The following TDP1 variants were observed in gnomAD, a reference collection of about 807,000 sequenced individuals.
TDP1 encodes tyrosyl-DNA phosphodiesterase 1.
A neutral mutation model predicts 81.5 loss-of-function variants in TDP1; 64 were observed. That is an observed-to-expected ratio of 0.79 (90% CI 0.64 to 0.97). TDP1 has a LOEUF of 0.97. Ranked by LOEUF, TDP1 falls within the 50% of genes least tolerant of loss-of-function variation. The pLI, the probability that TDP1 is intolerant of heterozygous loss-of-function variation, is 0.00. For synonymous variants in TDP1, 256 were observed against 264.3 expected (o/e 0.97, Z 0.30); for missense variants, 723 against 743.8 (o/e 0.97, Z 0.33).
intron 14 of TDP1, among the ~76,000 whole-genome samples, chr14:89,993,850 TC>T (rs1896439792): frequency 6.6e-6 from 1 of 152,182 alleles, no homozygotes; most frequent in South Asian, 2.1e-4. Flanking sequence ...GTAATTGAAA[TC>T]TGAAGCAATC....
intron 14 of TDP1, among the ~76,000 whole-genome samples, chr14:90,010,470 C>A (rs781671878): frequency 1.3e-4 from 20 of 152,108 alleles, no homozygotes; most frequent in Admixed American, 2.0e-4. Flanking sequence ...ATTAAGGCAG[C>A]AGGTGGGATT....
At chr14:90,042,395 TAC>T (rs899723256) in intron 16 of TDP1, among the ~76,000 whole-genome samples, 1 of 152,160 alleles carries the variant, frequency 6.6e-6, no homozygotes, top group Non-Finnish European at 1.5e-5. Context: ...ACAACATAGG[TAC>T]AGATAAGGAA....
At chr14:89,964,075 C>T (rs1892653862) in intron 3 of TDP1, among the ~76,000 whole-genome samples, 1 of 152,136 alleles carries the variant, frequency 6.6e-6, no homozygotes, top group Admixed American at 6.5e-5. Context: ...GGCCCCATTC[C>T]CGATTCATTA....
intron 6 of TDP1, 77 bp downstream of exon 6, chr14:89,971,348 A>C (rs892275696): frequency 2.5e-5 from 26 of 1,058,032 alleles, no homozygotes; most frequent in Non-Finnish European, 3.8e-5. Flanking sequence ...CCACCCTCTC[A>C]CTTAGTGCAG....
intron 3 of TDP1, chr14:89,965,823 A>G (rs1216032035): frequency 2.0e-6 from 2 of 984,728 alleles, no homozygotes; most frequent in East Asian, 2.3e-4. Flanking sequence ...TACTTGGAGG[A>G]GGTAGAAGTT....
In TDP1 at chr14:90,030,469, A is replaced by G. The variant is rs1887154187; in HGVS notation, c.1645-2637A>G. 1.3e-5 allele frequency among the ~76,000 whole-genome samples: 2 copies of G among 152,162 alleles called. 1 individual carries two copies. The highest frequency in any genetic ancestry group is 4.1e-4 in the South Asian group (2 of 4,834). ...GACTAGAAGAAGGGCACTTCTTCCT[A>G]TTCTGTCTAGAGTTTGTGCCTGGCA... On this transcript the variant is annotated intron_variant, in intron 15 of 16. Transcript: ENST00000335725.
chr14:89,964,868 A>C (rs1258457936), intron 3 of TDP1: 1 of 448,994 alleles, frequency 2.2e-6, no homozygotes, highest in Non-Finnish European at 4.5e-6. Flanking sequence ...TTATGAGTAG[A>C]TGTTACAATC....
In TDP1 at chr14:89,980,522, C is replaced by A; in HGVS notation, c.792-18C>A. On this transcript the variant is annotated intron_variant, in intron 7 of 16. Coordinates refer to ENST00000335725, the MANE Select transcript of TDP1 (RefSeq NM_018319.4). Reference sequence around the variant, plus strand: ...GAAAGTACTATTAATGCTTTTTGATCCTTTGCTGTTTTTAAAGGAAAATGA... The same window carrying A: ...GAAAGTACTATTAATGCTTTTTGATACTTTGCTGTTTTTAAAGGAAAATGA... The A allele has an allele frequency of 1.2e-5, 20 of 1,607,238 alleles. No homozygotes were observed. Among genetic ancestry groups the A allele is most frequent in the Non-Finnish European group, 1.7e-5 (20 of 1,173,912 alleles).
intron 14 of TDP1, among the ~76,000 whole-genome samples, chr14:89,999,132 G>C (rs1293196700): frequency 6.6e-6 from 1 of 152,070 alleles, no homozygotes; most frequent in Non-Finnish European, 1.5e-5. Flanking sequence ...ATACAAGATT[G>C]TCCCATGCAT....
chr14:89,984,338 T>C (rs975800837), intron 8 of TDP1, 178 bp from the exon 9 acceptor site: 1 of 985,308 alleles, frequency 1.0e-6, no homozygotes, highest in Admixed American at 6.1e-5. Flanking sequence ...TAATTCTGAA[T>C]GTGATGAGAA....
rs1388530126 is a variant in TDP1, at chr14:89,962,721, A to G, written c.-7-387A>G. Among the ~76,000 whole-genome samples, 50 of 151,968 alleles carry G rather than the reference A, an allele frequency of 3.3e-4. 1 individual carries two copies. Among genetic ancestry groups the G allele is most frequent in the Non-Finnish European group, 1.9e-4 (13 of 68,004 alleles). On this transcript the variant is annotated intron_variant, in intron 2 of 16. Coordinates refer to ENST00000335725, the MANE Select transcript of TDP1 (RefSeq NM_018319.4). ...CTCTACCAAAAAAAAAGAAAAAAAA[A>G]ATTAGCCAGACGTGATGGCGTGCAC...
chr14:90,033,021 A>G (rs1476498752), intron 15 of TDP1, 85 bp from the exon 16 acceptor site: 1 of 1,181,174 alleles, frequency 8.5e-7, no homozygotes, highest in Non-Finnish European at 1.2e-6. Context: ...CCATAAAGAT[A>G]TTATTGCTTC....
chr14:90,017,904 T>G lies in TDP1; in HGVS notation c.1542-1412T>G, dbSNP rs77170420. On this transcript the variant is annotated intron_variant, in intron 14 of 16. Transcript: ENST00000335725. Reference sequence around the variant, plus strand: ...TTATAGACAGTGATGTTCATGATTGTGGTCCTTGTGCAAAGGTTTCCTGTC... The same window carrying G: ...TTATAGACAGTGATGTTCATGATTGGGGTCCTTGTGCAAAGGTTTCCTGTC... Among the ~76,000 whole-genome samples, 1,110 of 152,332 alleles carry G rather than the reference T, an allele frequency of 7.3e-3. 12 individuals carry two copies. Among genetic ancestry groups the G allele is most frequent in the African/African-American group, 0.023 (947 of 41,570 alleles).
intron 14 of TDP1, among the ~76,000 whole-genome samples, chr14:90,006,223 C>T (rs1897671541): frequency 6.6e-6 from 1 of 152,150 alleles, no homozygotes; most frequent in Admixed American, 6.5e-5. Context: ...GTGTTTTGCT[C>T]TTATCTGCTT....
intron 15 of TDP1, among the ~76,000 whole-genome samples, chr14:90,029,399 G>T (rs563511893): frequency 6.6e-6 from 1 of 151,086 alleles, no homozygotes. Flanking sequence ...GGGTTTCTCC[G>T]TGTTGGCCAG....
chr14:89,974,391 C>G (rs1020883994), intron 6 of TDP1, among the ~76,000 whole-genome samples: 2 of 152,214 alleles, frequency 1.3e-5, no homozygotes, highest in South Asian at 4.1e-4. Flanking sequence ...AGTCTTCCTT[C>G]TCATTTGGTA....
chr14:89,955,721 CT>C (rs1891483192), upstream of TDP1: 1 of 152,246 alleles, frequency 6.6e-6, no homozygotes, highest in Admixed American at 6.5e-5. Flanking sequence ...TAGGGGACGC[CT>C]TTCTGGTTCT....
chr14:89,970,418 A>G (rs1006730725), intron 5 of TDP1, among the ~76,000 whole-genome samples: 5 of 152,188 alleles, frequency 3.3e-5, no homozygotes, highest in African/African-American at 9.7e-5. Flanking sequence ...CTAGCTCAGT[A>G]CATAGCACAC....
intron 14 of TDP1, among the ~76,000 whole-genome samples, chr14:90,002,935 A>G (rs999862767): frequency 6.6e-5 from 10 of 151,998 alleles, no homozygotes; most frequent in African/African-American, 2.2e-4. Flanking sequence ...GGTTATTTTT[A>G]TTTTATTTAT....
Sources: gnomAD v4.1 joint callset for allele counts (sites outside exome capture counted in the v4.1 genomes callset) on GRCh38, gnomAD v4.1.1 for gene constraint, MANE v1.5 for transcripts, NCBI Gene and HGNC (gene_info 2026-07-23, HGNC 2026-07-21) for gene names.